FSTL4: variants seen among roughly 807,000 people sequenced by gnomAD.
FSTL4 encodes the protein follistatin like 4, also known as follistatin-related protein 4.
In FSTL4, 28 loss-of-function variants were observed where a neutral mutation model predicts 78.2. The observed-to-expected ratio is 0.36, with a 90% CI of 0.27 to 0.49. FSTL4 has a LOEUF of 0.49. Ranked by LOEUF, FSTL4 falls within the 20% of genes least tolerant of loss-of-function variation. The pLI, the probability that FSTL4 is intolerant of heterozygous loss-of-function variation, is 0.98. For missense variants in FSTL4, 922 were observed against 1,084.9 expected, an observed-to-expected ratio of 0.85 and a Z score of 2.11; for synonymous variants, 422 against 440.5, an observed-to-expected ratio of 0.96 and a Z score of 0.53.
the FSTL4 span, among the ~76,000 whole-genome samples, chr5:133,820,728 A>C: frequency 1.3e-5 from 2 of 152,208 alleles, no homozygotes; most frequent in Non-Finnish European, 2.9e-5. Context: ...TTCATGTTTC[A>C]CTTACTCTTG....
the FSTL4 span, among the ~76,000 whole-genome samples, chr5:133,651,231 CT>C: frequency 0.011 from 1,644 of 152,106 alleles, 29 homozygotes; most frequent in African/African-American, 0.038. Context: ...TTTTATTTCC[CT>C]TTCTTGTCTT....
chr5:133,249,308 T>G (rs1471552600), intron 7 of FSTL4, 102 bp downstream of exon 7: 3 of 925,846 alleles, frequency 3.2e-6, no homozygotes, highest in Non-Finnish European at 5.2e-6. Context: ...CACAGGATGT[T>G]AAACTAAAAC....
intron 3 of FSTL4, among the ~76,000 whole-genome samples, chr5:133,521,848 TCA>T (rs1168133138): frequency 6.6e-6 from 1 of 152,176 alleles, no homozygotes; most frequent in Non-Finnish European, 1.5e-5. Context: ...CTAGATGTTT[TCA>T]CCACAAAGGG....
chr5:133,555,894 C>A (rs2112932889), intron 3 of FSTL4, among the ~76,000 whole-genome samples: 1 of 152,308 alleles, frequency 6.6e-6, no homozygotes, highest in Non-Finnish European at 1.5e-5. Flanking sequence ...GAGCAAATAA[C>A]TGCTAAAATT....
chr5:133,322,096 C>T (rs981100001), intron 4 of FSTL4, among the ~76,000 whole-genome samples: 24 of 152,194 alleles, frequency 1.6e-4, no homozygotes, highest in African/African-American at 5.1e-4. Context: ...TCAGGGAAGC[C>T]CCCTCCATAG....
At chr5:133,526,580 T>A (rs1276421802) in intron 3 of FSTL4, among the ~76,000 whole-genome samples, 1 of 152,026 alleles carries the variant, frequency 6.6e-6, no homozygotes. Context: ...CATTTAGATC[T>A]CCACGTGGAT....
chr5:133,433,652 C>T (rs893248395), intron 3 of FSTL4, among the ~76,000 whole-genome samples: 3 of 152,102 alleles, frequency 2.0e-5, no homozygotes, highest in Non-Finnish European at 2.9e-5. Context: ...ATCAGATGGT[C>T]GTGAGTGCAG....
chr5:133,745,566 T>A, the FSTL4 span, among the ~76,000 whole-genome samples: 13 of 152,334 alleles, frequency 8.5e-5, 2 homozygotes, highest in African/African-American at 2.9e-4. Context: ...GCAGGTGGGC[T>A]GAATTGCAAA....
At position 133,269,213 on chromosome 5, in the gene FSTL4, C is replaced by T. The variant is rs577551574; in HGVS notation, c.728-19637G>A. Among the ~76,000 whole-genome samples, 26 of 150,208 alleles carry T rather than the reference C, an allele frequency of 1.7e-4. 1 individual carries two copies. In the East Asian group the frequency reaches 4.3e-3, roughly 25 times the overall value. ...AAAAAAAAAAAAAAAAAAGAAAGAG[C>T]CAGGCAAATCTATTTGTACTGACCT... On this transcript the variant is annotated intron_variant, in intron 6 of 15. Transcript: ENST00000265342.
chr5:133,720,434 A>G, the FSTL4 span: 1 of 153,092 alleles, frequency 6.5e-6, no homozygotes, highest in East Asian at 1.9e-4. Context: ...GTCAAAGCTC[A>G]GATGGCCTCT....
At chr5:133,560,189 A>G (rs1175704619) in intron 3 of FSTL4, among the ~76,000 whole-genome samples, 1 of 152,186 alleles carries the variant, frequency 6.6e-6, no homozygotes, top group African/African-American at 2.4e-5. Flanking sequence ...GAGGATTTAC[A>G]TACCTCAGGT....
At chr5:133,629,220 T>C in the FSTL4 span, among the ~76,000 whole-genome samples, 1 of 151,992 alleles carries the variant, frequency 6.6e-6, no homozygotes, top group Non-Finnish European at 1.5e-5. Flanking sequence ...TCTGCATCTA[T>C]TGAGATAATC....
intron 3 of FSTL4, among the ~76,000 whole-genome samples, chr5:133,456,688 AAAAACAAAACAAAAC>A (rs113400855): frequency 5.9e-5 from 9 of 151,964 alleles, no homozygotes; most frequent in Middle Eastern, 3.4e-3. Flanking sequence ...TTGTACTTAA[AAAAACAAAACAAAAC>A]AAAACAAAAC....
Position 133,513,901 on chromosome 5 carries a change from G to C in FSTL4, c.160+53285C>G, listed in dbSNP as rs548518163. Among the ~76,000 whole-genome samples the C allele has an allele frequency of 2.0e-5, 3 of 152,256 alleles. No individual in the cohort carries two copies. The East Asian group carries it at 5.8e-4, about 29-fold the overall frequency. ...GAGAATTAAATAAACTGTCGGGGCC[G>C]GGCGCGGTGGCTCATGCCTGTAATC... On this transcript the variant is annotated intron_variant, in intron 3 of 15. Coordinates refer to ENST00000265342, the MANE Select transcript of FSTL4 (RefSeq NM_015082.2).
chr5:133,233,994 G>A (rs1017671004), intron 7 of FSTL4, among the ~76,000 whole-genome samples: 2 of 152,164 alleles, frequency 1.3e-5, no homozygotes, highest in African/African-American at 4.8e-5. Flanking sequence ...TTGGCTTCAT[G>A]GGTAGCACAG....
At chr5:133,455,281 A>T (rs2127013890) in intron 3 of FSTL4, among the ~76,000 whole-genome samples, 1 of 152,264 alleles carries the variant, frequency 6.6e-6, no homozygotes, top group Non-Finnish European at 1.5e-5. Flanking sequence ...TAGAAAAAGG[A>T]CAAACTCATC....
At chr5:133,253,004 G>T (rs1752298250) in intron 6 of FSTL4, among the ~76,000 whole-genome samples, 1 of 152,212 alleles carries the variant, frequency 6.6e-6, no homozygotes, top group South Asian at 2.1e-4. Context: ...TTCTGCTCCT[G>T]TCAGCTACAT....
the FSTL4 span, among the ~76,000 whole-genome samples, chr5:133,742,475 C>A: frequency 2.0e-5 from 3 of 152,208 alleles, no homozygotes; most frequent in Non-Finnish European, 4.4e-5. Flanking sequence ...GTGACAGAGA[C>A]ACCTACATAA....
chr5:133,626,730 C>T, the FSTL4 span, among the ~76,000 whole-genome samples: 1 of 151,758 alleles, frequency 6.6e-6, no homozygotes, highest in East Asian at 1.9e-4. Flanking sequence ...AGTTTTGTTC[C>T]TTTGTGGATG....
Sources: allele counts gnomAD v4.1 joint callset (sites outside exome capture counted in the v4.1 genomes callset), GRCh38; gene constraint gnomAD v4.1.1; transcripts MANE v1.5; gene names NCBI Gene and HGNC (gene_info 2026-07-23, HGNC 2026-07-21).